The following ELAVL2 variants were observed in gnomAD, a reference collection of about 807,000 sequenced individuals.
The protein encoded by ELAVL2 is ELAV like RNA binding protein 2.
ELAVL2 carries 4 observed loss-of-function variants against 34.6 expected under a neutral mutation model. That is an observed-to-expected ratio of 0.12 (90% CI 0.06 to 0.26). ELAVL2 has a LOEUF of 0.26. Ranked by LOEUF, ELAVL2 falls within the 10% of genes least tolerant of loss-of-function variation. The pLI, the probability that ELAVL2 is intolerant of heterozygous loss-of-function variation, is 1.00. For synonymous variants in ELAVL2, 193 were observed against 154.8 expected (o/e 1.25, Z -1.83); for missense variants, 432 against 442.8 (o/e 0.98, Z 0.22).
At chr9:23,706,186 CATGTCTTTGAGATACGGT>C (rs946353732) in intron 3 of ELAVL2, among the ~76,000 whole-genome samples, 1 of 152,124 alleles carries the variant, frequency 6.6e-6, no homozygotes, top group Non-Finnish European at 1.5e-5. Flanking sequence ...CAAAAAGTTT[CATGTCTTTGAGATACGGT>C]ATACCAAATC....
upstream of ELAVL2, among the ~76,000 whole-genome samples, chr9:23,827,261 A>G (rs114161612): frequency 4.3e-3 from 662 of 152,306 alleles, 5 homozygotes; most frequent in African/African-American, 0.015. Context: ...AAGAAGTTTA[A>G]CCAGAAGACC....
chr9:23,843,225 T>C, the ELAVL2 span, among the ~76,000 whole-genome samples: 1 of 152,290 alleles, frequency 6.6e-6, no homozygotes, highest in East Asian at 1.9e-4. Flanking sequence ...AAGAGTATTT[T>C]ACATACTTCC....
At chr9:23,753,132 G>T (rs757840294) in intron 2 of ELAVL2, among the ~76,000 whole-genome samples, 7 of 152,120 alleles carry the variant, frequency 4.6e-5, no homozygotes, top group Non-Finnish European at 1.0e-4. Flanking sequence ...CCACTGTATA[G>T]ACCTGACAAA....
chr9:23,701,716 A>G (rs2133163900), intron 4 of ELAVL2, 112 bp from the exon 5 acceptor site: 3 of 1,112,426 alleles, frequency 2.7e-6, no homozygotes, highest in Non-Finnish European at 3.9e-6. Context: ...TCACCTACAT[A>G]TAACATTTCC....
intron 2 of ELAVL2, among the ~76,000 whole-genome samples, chr9:23,737,687 G>T (rs552108008): frequency 6.6e-6 from 1 of 152,178 alleles, no homozygotes; most frequent in Non-Finnish European, 1.5e-5. Flanking sequence ...TACACTGATT[G>T]ATGTGTATCT....
chr9:23,735,905 C>T (rs2047776270), intron 2 of ELAVL2, among the ~76,000 whole-genome samples: 2 of 152,170 alleles, frequency 1.3e-5, no homozygotes, highest in South Asian at 2.1e-4. Flanking sequence ...AGGAAGAAAA[C>T]CCGTTTAGTG....
At chr9:23,758,545 T>G (rs2135882276) in intron 2 of ELAVL2, among the ~76,000 whole-genome samples, 1 of 152,268 alleles carries the variant, frequency 6.6e-6, no homozygotes, top group African/African-American at 2.4e-5. Flanking sequence ...CCTACTCCAC[T>G]TTTGAATTTA....
chr9:23,720,117 G>C (rs964951162), intron 3 of ELAVL2, among the ~76,000 whole-genome samples: 1 of 151,526 alleles, frequency 6.6e-6, no homozygotes, highest in South Asian at 2.1e-4. Flanking sequence ...GTGAGCCACC[G>C]CGCCTGGCTC....
rs1184070119 is a variant in ELAVL2 at position 23,691,291 on chromosome 9, C to G, written c.*1266G>C. On this transcript the variant is annotated 3_prime_UTR_variant, in exon 7 of 7. Transcript: ENST00000397312. ...AAATTAGCTGAAAGGTTCATAAACACAAGGTCTTATTTACATTACACAAAG... is the reference window on the plus strand; with the variant it reads ...AAATTAGCTGAAAGGTTCATAAACAGAAGGTCTTATTTACATTACACAAAG... 1 of 152,566 alleles carries G rather than the reference C, an allele frequency of 6.6e-6. No individual in the cohort carries two copies. Among genetic ancestry groups the G allele is most frequent in the African/African-American group, 2.4e-5 (1 of 41,444 alleles). 9.5% of individuals were successfully genotyped at this position (152,566 alleles called of 1,614,324 possible).
chr9:23,844,044 A>C, the ELAVL2 span, among the ~76,000 whole-genome samples: 7 of 152,106 alleles, frequency 4.6e-5, no homozygotes, highest in Admixed American at 4.6e-4. Flanking sequence ...TATTATTTGA[A>C]AAGCCACTGT....
chr9:23,718,096 T>C (rs1396913938), intron 3 of ELAVL2, among the ~76,000 whole-genome samples: 2 of 152,242 alleles, frequency 1.3e-5, no homozygotes, highest in South Asian at 2.1e-4. Context: ...TTCCATATAA[T>C]ATAATAAAGC....
chr9:23,825,062 C>T (rs2065212565), intron 1 of ELAVL2, among the ~76,000 whole-genome samples: 1 of 152,176 alleles, frequency 6.6e-6, no homozygotes, highest in Admixed American at 6.5e-5. Flanking sequence ...CTTATTTACG[C>T]TTTTCTGAAC....
intron 5 of ELAVL2, among the ~76,000 whole-genome samples, chr9:23,696,235 A>C (rs991072134): frequency 6.6e-6 from 1 of 152,024 alleles, no homozygotes; most frequent in African/African-American, 2.4e-5. Flanking sequence ...CTGAGCCCAG[A>C]AGTATTTCCT....
At chr9:23,733,047 A>C (rs1454544563) in intron 2 of ELAVL2, among the ~76,000 whole-genome samples, 1 of 152,108 alleles carries the variant, frequency 6.6e-6, no homozygotes, top group Non-Finnish European at 1.5e-5. Context: ...TGACAAAATA[A>C]ATCAATTGTA....
intron 2 of ELAVL2, among the ~76,000 whole-genome samples, chr9:23,737,562 A>T (rs1587922258): frequency 6.6e-6 from 1 of 152,210 alleles, no homozygotes; most frequent in Non-Finnish European, 1.5e-5. Flanking sequence ...ATTTTGTTGA[A>T]AGTACTTTTT....
intron 2 of ELAVL2, among the ~76,000 whole-genome samples, chr9:23,737,576 T>A (rs560726044): frequency 1.3e-5 from 2 of 152,336 alleles, no homozygotes; most frequent in Admixed American, 6.5e-5. Context: ...ACTTTTTCAC[T>A]AATATAATTA....
chr9:23,752,914 T>C lies in ELAVL2; in HGVS notation c.229+9092A>G, dbSNP rs1182111954. Among the ~76,000 whole-genome samples the C allele has an allele frequency of 5.9e-5, 9 of 152,066 alleles. No homozygotes were observed. The East Asian group carries it at 1.7e-3, about 29-fold the overall frequency. On this transcript the variant is annotated intron_variant, in intron 2 of 6. Coordinates refer to ENST00000397312, the MANE Select transcript of ELAVL2 (RefSeq NM_004432.5). ...TGGTGTCAGAAATTACTGAGTGGAG[T>C]CTGAAAAGATGGTTTTAACTGCGAA...
chr9:23,715,031 T>C (rs1435971927), intron 3 of ELAVL2, among the ~76,000 whole-genome samples: 4 of 152,196 alleles, frequency 2.6e-5, no homozygotes, highest in African/African-American at 9.6e-5. Flanking sequence ...AAAGCTTTTA[T>C]ATTACTATGT....
intron 1 of ELAVL2, among the ~76,000 whole-genome samples, chr9:23,802,709 T>C (rs1295058622): frequency 6.6e-6 from 1 of 152,188 alleles, no homozygotes; most frequent in East Asian, 1.9e-4. Context: ...AAATGTACAG[T>C]AGAGCTTTCT....
Sources: allele counts gnomAD v4.1 joint callset (sites outside exome capture counted in the v4.1 genomes callset), GRCh38; gene constraint gnomAD v4.1.1; transcripts MANE v1.5; gene names NCBI Gene and HGNC (gene_info 2026-07-23, HGNC 2026-07-21).